RASA3: variants seen among roughly 807,000 people sequenced by gnomAD.
RASA3 encodes ras GTPase-activating protein 3.
A neutral mutation model predicts 110.0 loss-of-function variants in RASA3; 73 were observed. The ratio of observed to expected loss-of-function variants is 0.66; its 90% CI spans 0.55 to 0.81. The LOEUF (loss-of-function observed/expected upper bound fraction) is 0.81, where lower values mean the gene tolerates loss of function less well. Among genes scored for constraint, RASA3 ranks in the 30% least tolerant of loss-of-function variants. The probability of loss-of-function intolerance (pLI) is 0.00; values close to 1 mark genes in which losing one functional copy is unlikely to be tolerated. For synonymous variants in RASA3, 500 were observed against 451.4 expected, an observed-to-expected ratio of 1.11 and a Z score of -1.37; for missense variants, 976 against 1,113.2, an observed-to-expected ratio of 0.88 and a Z score of 1.75.
At chr13:113,993,517 A>G (rs117565127) in intron 21 of RASA3, among the ~76,000 whole-genome samples, 10,973 of 151,380 alleles carry the variant, frequency 0.072, 565 homozygotes, top group Middle Eastern at 0.12. Flanking sequence ...ATTATGAAAA[A>G]CCTCCATAGC....
At chr13:114,000,955 C>T (rs763748036) in intron 18 of RASA3, 23 bp from the exon 19 acceptor site, 57 of 1,551,632 alleles carry the variant, frequency 3.7e-5, no homozygotes, top group Admixed American at 6.7e-5. Flanking sequence ...CACACAGGGC[C>T]GGGGTCCGGG....
intron 1 of RASA3, among the ~76,000 whole-genome samples, chr13:114,130,586 C>T (rs886810625): frequency 2.6e-5 from 4 of 152,238 alleles, no homozygotes; most frequent in East Asian, 3.9e-4. Flanking sequence ...GGTGAAGCTG[C>T]CTTCTGGGAG....
chr13:113,989,677 C>G (rs948863106), intron 22 of RASA3, among the ~76,000 whole-genome samples: 2 of 151,398 alleles, frequency 1.3e-5, no homozygotes, highest in Middle Eastern at 6.9e-3. Context: ...ATCCATCCAT[C>G]CATCCACCCG....
At chr13:113,979,477 A>G in intron 23 of RASA3, 55 bp from the exon 24 acceptor site, 1 of 1,410,396 alleles carries the variant, frequency 7.1e-7, no homozygotes, top group South Asian at 1.1e-5. Flanking sequence ...CCTGGTGCTC[A>G]CCCGTGGCTG....
chr13:113,994,466 T>TA (rs200050035), intron 21 of RASA3, among the ~76,000 whole-genome samples: 61 of 152,006 alleles, frequency 4.0e-4, no homozygotes, highest in African/African-American at 1.2e-3. Flanking sequence ...GCATTTATCA[T>TA]AAAAAAAAGA....
At position 114,112,501 on chromosome 13, in the gene RASA3, C is replaced by T. The variant is rs983989904; in HGVS notation, c.55+19934G>A. Among the ~76,000 whole-genome samples, 7 of 152,170 alleles carry T rather than the reference C, an allele frequency of 4.6e-5. No homozygotes were observed. The highest frequency in any genetic ancestry group is 1.4e-4 in the African/African-American group (6 of 41,438). On this transcript the variant is annotated intron_variant, in intron 1 of 23. Coordinates refer to ENST00000334062, the MANE Select transcript of RASA3 (RefSeq NM_007368.4). This position sits in a 1 kb window ranked among gnomAD's most constrained non-coding sequence, Gnocchi z 4.8. ...GCCGGACGGGAACTCTCTGCAGGGCCGGTGGAAAGAGATCGCCAGCCCCAG... is the reference window on the plus strand; with the variant it reads ...GCCGGACGGGAACTCTCTGCAGGGCTGGTGGAAAGAGATCGCCAGCCCCAG...
intron 1 of RASA3, among the ~76,000 whole-genome samples, chr13:114,108,243 A>C (rs12018502): frequency 5.1e-5 from 1 of 19,562 alleles, no homozygotes; most frequent in Non-Finnish European, 1.2e-4. Context: ...CTGTCACCCC[A>C]TGTCTGTCAC....
At chr13:113,992,365 T>C (rs1191062755) in intron 22 of RASA3, 120 bp downstream of exon 22, 2 of 715,874 alleles carry the variant, frequency 2.8e-6, no homozygotes, top group Non-Finnish European at 4.7e-6. Context: ...GACAACTACA[T>C]GTAGCCCACA....
At chr13:114,130,933 C>T (rs1000221837) in intron 1 of RASA3, among the ~76,000 whole-genome samples, 27 of 152,258 alleles carry the variant, frequency 1.8e-4, no homozygotes, top group African/African-American at 6.3e-4. Context: ...CAAACTGACC[C>T]CCACGGGCCG....
At chr13:114,061,996 G>A (rs1043829990) in intron 2 of RASA3, among the ~76,000 whole-genome samples, 2 of 152,162 alleles carry the variant, frequency 1.3e-5, no homozygotes, top group Admixed American at 6.5e-5. Flanking sequence ...CAGATCCCAC[G>A]GTGGGCAGAA....
At chr13:114,054,982 G>T (rs1406568623) in intron 2 of RASA3, among the ~76,000 whole-genome samples, 1 of 151,994 alleles carries the variant, frequency 6.6e-6, no homozygotes, top group African/African-American at 2.4e-5. Context: ...GTGCCCATGG[G>T]TGTGTGCACG....
chr13:113,997,322 CTA>C (rs924003940), intron 20 of RASA3, among the ~76,000 whole-genome samples: 2 of 152,190 alleles, frequency 1.3e-5, no homozygotes, highest in African/African-American at 4.8e-5. Flanking sequence ...CAGCACTCTC[CTA>C]TGTCCCGGAG....
At chr13:114,128,699 G>C (rs975866130) in intron 1 of RASA3, among the ~76,000 whole-genome samples, 2 of 152,242 alleles carry the variant, frequency 1.3e-5, no homozygotes, top group Non-Finnish European at 2.9e-5. Flanking sequence ...TCTTCTTCAC[G>C]GACAAGCTCC....
At chr13:114,076,349 G>A (rs548535300) in intron 1 of RASA3, among the ~76,000 whole-genome samples, 1 of 152,332 alleles carries the variant, frequency 6.6e-6, no homozygotes, top group East Asian at 1.9e-4. Context: ...ACTCTCCCGG[G>A]ATGCGCCTTC....
rs542751304 is a variant in RASA3, at chr13:114,070,606, G to A, written c.173+3114C>T. Among the ~76,000 whole-genome samples, 116 of 152,280 alleles carry A rather than the reference G, an allele frequency of 7.6e-4. 1 individual carries two copies. The South Asian group carries it at 0.023, about 30-fold the overall frequency. On this transcript the variant is annotated intron_variant, in intron 2 of 23. Coordinates refer to ENST00000334062, the MANE Select transcript of RASA3 (RefSeq NM_007368.4). ...AGGGCTGCCAGCGTCCACACTAAAC[G>A]GCGCCAGTGTTACACGTGGGCAGGG...
At chr13:114,054,581 T>C (rs2079205741) in intron 2 of RASA3, among the ~76,000 whole-genome samples, 2 of 152,242 alleles carry the variant, frequency 1.3e-5, no homozygotes, top group South Asian at 4.1e-4. Context: ...TCAGTATTTT[T>C]ATAACTGGGT....
chr13:114,103,556 C>T (rs1455202273), intron 1 of RASA3, among the ~76,000 whole-genome samples: 1 of 129,314 alleles, frequency 7.7e-6, no homozygotes, highest in Admixed American at 7.5e-5. Context: ...CCACAGACAC[C>T]CACCCCCGAT....
chr13:114,102,042 G>A (rs1203289029), intron 1 of RASA3, among the ~76,000 whole-genome samples: 1 of 152,204 alleles, frequency 6.6e-6, no homozygotes, highest in African/African-American at 2.4e-5. Flanking sequence ...CGAAGGACCT[G>A]CCCGACACAC....
At chr13:113,996,112 T>TG (rs1463889678) in intron 21 of RASA3, among the ~76,000 whole-genome samples, 1 of 120,632 alleles carries the variant, frequency 8.3e-6, no homozygotes, top group African/African-American at 3.3e-5. Context: ...ACCCGGCTGA[T>TG]GGGGGGCCGG....
Sources: gnomAD v4.1 joint callset for allele counts (sites outside exome capture counted in the v4.1 genomes callset) on GRCh38, gnomAD v4.1.1 for gene constraint, Gnocchi (gnomAD v3.1) non-coding constraint, MANE v1.5 for transcripts, NCBI Gene and HGNC (gene_info 2026-07-23, HGNC 2026-07-21) for gene names.